Variants in MET observed in about 807,000 individuals in gnomAD.
MET encodes hepatocyte growth factor receptor.
Under a neutral mutation model 133.1 loss-of-function variants are expected in MET, and 48 were observed. The ratio of observed to expected loss-of-function variants is 0.36; its 90% CI spans 0.29 to 0.46. The LOEUF is 0.46. MET is among the 20% of genes least tolerant of loss of function. The pLI, the probability that MET is intolerant of heterozygous loss-of-function variation, is 1.00. For missense variants in MET, 1,442 were observed against 1,695.9 expected (o/e 0.85, Z 2.63); for synonymous variants, 628 against 616.5 (o/e 1.02, Z -0.28).
At chr7:116,738,063 A>C (rs1793291821) in intron 3 of MET, among the ~76,000 whole-genome samples, 1 of 152,222 alleles carries the variant, frequency 6.6e-6, no homozygotes, top group Non-Finnish European at 1.5e-5. Context: ...TCTTCAGTGA[A>C]GTGCAAAGCA....
At chr7:116,786,312 G>T (rs774213720) in intron 19 of MET, among the ~76,000 whole-genome samples, 4 of 152,114 alleles carry the variant, frequency 2.6e-5, no homozygotes, top group African/African-American at 4.8e-5. Context: ...GTCACAGTGG[G>T]GCTTAGAGCT....
At chr7:116,757,404 T>C (rs2116919184) in intron 6 of MET, 33 bp from the exon 7 acceptor site, 1 of 1,564,034 alleles carries the variant, frequency 6.4e-7, no homozygotes, top group Non-Finnish European at 8.8e-7. Context: ...TCCTTGGATT[T>C]GTCATGTATT....
intron 2 of MET, among the ~76,000 whole-genome samples, chr7:116,716,203 AGAT>A (rs1291296342): frequency 6.6e-6 from 1 of 150,552 alleles, no homozygotes. Context: ...CAGTGAGCCA[AGAT>A]TGTGCCACTG....
intron 19 of MET, among the ~76,000 whole-genome samples, chr7:116,793,427 C>CTTG (rs1214069939): frequency 1.1e-4 from 16 of 151,542 alleles, no homozygotes; most frequent in African/African-American, 3.6e-4. Flanking sequence ...TGCCCACCCC[C>CTTG]GCCTCCCAAA....
chr7:116,707,114 G>A (rs1425902060), intron 2 of MET, among the ~76,000 whole-genome samples: 1 of 151,932 alleles, frequency 6.6e-6, no homozygotes, highest in Non-Finnish European at 1.5e-5. Flanking sequence ...TAATGTTGGA[G>A]CAGACAAAGT....
chr7:116,738,530 A>G (rs1793320771), intron 3 of MET, among the ~76,000 whole-genome samples: 1 of 152,166 alleles, frequency 6.6e-6, no homozygotes, highest in Non-Finnish European at 1.5e-5. Flanking sequence ...TTCATCCATC[A>G]CTTAACTTCT....
rs533525932 is a variant in MET, at chr7:116,693,213, G to A, written c.-14-5858G>A. ...CTCAGAGTTGAAAATTATTAGAATT[G>A]GAAAACACTTTGAAGTTCTTTAGTT... On this transcript the variant is annotated intron_variant, in intron 1 of 20. Coordinates refer to ENST00000397752, the MANE Select transcript of MET (RefSeq NM_000245.4). 2.6e-5 allele frequency among the ~76,000 whole-genome samples: 4 copies of A among 152,264 alleles called. No homozygotes were observed. The East Asian group carries it at 7.7e-4, about 29-fold the overall frequency.
At chr7:116,759,162 C>T (rs1007825793) in intron 9 of MET, among the ~76,000 whole-genome samples, 2 of 151,890 alleles carry the variant, frequency 1.3e-5, no homozygotes, top group Non-Finnish European at 2.9e-5. Context: ...TTGTGTAATT[C>T]GGTGAATAAA....
At chr7:116,790,889 C>A (rs1795469336) in intron 19 of MET, among the ~76,000 whole-genome samples, 1 of 152,074 alleles carries the variant, frequency 6.6e-6, no homozygotes. Flanking sequence ...CCAGCCTAGC[C>A]AACATGGTAA....
At chr7:116,777,983 C>T (rs1432581826) in intron 16 of MET, among the ~76,000 whole-genome samples, 5 of 152,158 alleles carry the variant, frequency 3.3e-5, no homozygotes, top group Admixed American at 3.3e-4. Flanking sequence ...AGGCATTCCA[C>T]ATACATGAAC....
At chr7:116,741,916 C>G (rs1448671801) in intron 5 of MET, among the ~76,000 whole-genome samples, 1 of 152,212 alleles carries the variant, frequency 6.6e-6, no homozygotes, top group African/African-American at 2.4e-5. Flanking sequence ...CGCAGCCATG[C>G]TAACTGTGTT....
chr7:116,762,918 C>T (rs891838671), intron 10 of MET, 132 bp from the exon 11 acceptor site: 15 of 780,408 alleles, frequency 1.9e-5, no homozygotes, highest in Non-Finnish European at 3.0e-5. Flanking sequence ...TGTAGTCTAA[C>T]ATTAGGAAGT....
At chr7:116,747,156 GGAA>G (rs1221322641) in intron 5 of MET, among the ~76,000 whole-genome samples, 1 of 152,076 alleles carries the variant, frequency 6.6e-6, no homozygotes, top group East Asian at 1.9e-4. Flanking sequence ...AATATAGAAA[GGAA>G]AAACCGGTAC....
chr7:116,678,759 T>G (rs972658794), intron 1 of MET, among the ~76,000 whole-genome samples: 7 of 152,176 alleles, frequency 4.6e-5, no homozygotes, highest in African/African-American at 1.7e-4. Flanking sequence ...GCATTTTAGC[T>G]ATTAAATTTT....
At chr7:116,735,975 G>A (rs901536116) in intron 3 of MET, among the ~76,000 whole-genome samples, 1 of 151,554 alleles carries the variant, frequency 6.6e-6, no homozygotes, top group Non-Finnish European at 1.5e-5. Context: ...CGGGTTTTTC[G>A]CCATGTTGGC....
chr7:116,763,247 T>C lies in MET; in HGVS notation c.2562T>C (p.Asn854=), dbSNP rs1060504946. The C allele has an allele frequency of 6.2e-6, 10 of 1,613,698 alleles. No individual in the cohort carries two copies. The highest frequency in any genetic ancestry group is 1.1e-5 in the South Asian group (1 of 91,070). ...AGCCAGTGATGATCTCAATGGGCAA[T>C]GAAAATGTACTGGAAATTAAGGTAA... ...FEKPVMISMG[N]ENVLEIKGND... The change falls in exon 11 of 21, where the codon AAT becomes AAC. Residue 854 remains asparagine, a synonymous_variant. Transcript: ENST00000397752.
At position 116,757,767 on chromosome 7, in the gene MET, T is replaced by C. The variant is rs1162774981; in HGVS notation, c.2095T>C (p.Leu699=). The change falls in exon 8 of 21, where the codon TTA becomes CTA. Residue 699 remains leucine (L), a synonymous_variant. Coordinates refer to ENST00000397752, the MANE Select transcript of MET (RefSeq NM_000245.4). The part of the protein sequence containing the change: ...HISIGGKTCT[L]KSVSNSILEC... ...TTCAATTGGTGGAAAAACATGTACT[T>C]TAAAAAGGTGTTGTAAATTTATTTT... is the stretch of plus-strand genomic sequence containing the variant. 6.2e-7 allele frequency: 1 copy of C among 1,613,830 alleles called. No individual in the cohort carries two copies.
intron 1 of MET, among the ~76,000 whole-genome samples, chr7:116,689,235 T>A (rs915435216): frequency 3.3e-5 from 5 of 152,180 alleles, no homozygotes; most frequent in African/African-American, 7.2e-5. Flanking sequence ...TTTTAAAACA[T>A]GTTTTAGATG....
intron 1 of MET, among the ~76,000 whole-genome samples, chr7:116,694,799 G>T (rs1796903462): frequency 6.6e-6 from 1 of 152,070 alleles, no homozygotes; most frequent in Non-Finnish European, 1.5e-5. Flanking sequence ...AGATTCTCCT[G>T]CCTCAGCCTC....
Sources: gnomAD v4.1 joint callset for allele counts (sites outside exome capture counted in the v4.1 genomes callset) on GRCh38, gnomAD v4.1.1 for gene constraint, MANE v1.5 for transcripts, NCBI Gene and HGNC (gene_info 2026-07-23, HGNC 2026-07-21) for gene names.